The following SUGCT variants were observed in gnomAD, a reference collection of about 807,000 sequenced individuals.
SUGCT encodes succinyl-CoA:glutarate-CoA transferase, also known as succinyl-CoA:glutarate CoA-transferase.
SUGCT carries 41 observed loss-of-function variants against 55.0 expected under a neutral mutation model. That is an observed-to-expected ratio of 0.74 (90% CI 0.58 to 0.97). The LOEUF (loss-of-function observed/expected upper bound fraction) is 0.97, where lower values mean the gene tolerates loss of function less well. SUGCT is among the 50% of genes least tolerant of loss of function. The pLI, the probability that SUGCT is intolerant of heterozygous loss-of-function variation, is 0.00. For synonymous variants in SUGCT, 187 were observed against 200.4 expected (o/e 0.93, Z 0.56); for missense variants, 568 against 547.8 (o/e 1.04, Z -0.37).
intron 5 of SUGCT, 107 bp from the exon 6 acceptor site, chr7:40,194,833 A>G: frequency 1.5e-6 from 2 of 1,323,314 alleles, no homozygotes; most frequent in Non-Finnish European, 2.0e-6. Context: ...CAGTCCTGTG[A>G]TTTTTCTGAG....
At chr7:40,630,963 A>G (rs1245256873) in intron 12 of SUGCT, among the ~76,000 whole-genome samples, 1 of 152,092 alleles carries the variant, frequency 6.6e-6, no homozygotes, top group African/African-American at 2.4e-5. Flanking sequence ...CTGTTTATAG[A>G]TTAGAAAATT....
At position 40,737,760 on chromosome 7, in the gene SUGCT, G is replaced by A. The variant is rs547700191; in HGVS notation, c.1090-11674G>A. ...AGACTTCTGGAGGAAAAAAAATTTC[G>A]TCTTGATATAAAAATTAGCCAGGGG... On this transcript the variant is annotated intron_variant, in intron 12 of 13. Transcript: ENST00000335693. Among the ~76,000 whole-genome samples the A allele has an allele frequency of 3.9e-5, 6 of 152,016 alleles. No homozygotes were observed. In the East Asian group the frequency reaches 7.7e-4, roughly 20 times the overall value.
intron 1 of SUGCT, among the ~76,000 whole-genome samples, chr7:40,156,673 A>T (rs1783912751): frequency 6.6e-6 from 1 of 152,142 alleles, no homozygotes; most frequent in East Asian, 1.9e-4. Flanking sequence ...GCTCTGCAGA[A>T]AGGGTTTGAA....
chr7:40,561,358 C>G lies in SUGCT; in HGVS notation c.1089+64972C>G, dbSNP rs548504251. On this transcript the variant is annotated intron_variant, in intron 12 of 13. Transcript: ENST00000335693. ...CTCCTTCAGTTCTCATAAGTAGAAA[C>G]AGAAGAATGTATTTCATCTGAAATT... is the stretch of plus-strand genomic sequence containing the variant. 3.9e-5 allele frequency among the ~76,000 whole-genome samples: 6 copies of G among 152,272 alleles called. No homozygotes were observed. In the East Asian group the frequency reaches 1.2e-3, roughly 29 times the overall value.
intron 13 of SUGCT, among the ~76,000 whole-genome samples, chr7:40,834,006 T>G (rs1792831078): frequency 1.3e-5 from 2 of 152,202 alleles, no homozygotes; most frequent in South Asian, 4.1e-4. Flanking sequence ...ATACTTCAAG[T>G]GCATCATCCC....
chr7:40,729,872 A>G (rs961479020), intron 12 of SUGCT, among the ~76,000 whole-genome samples: 5 of 152,114 alleles, frequency 3.3e-5, no homozygotes, highest in Admixed American at 1.3e-4. Flanking sequence ...TTGCATCCAT[A>G]CCCTTTTATT....
At chr7:40,439,863 A>T (rs1334044586) in intron 9 of SUGCT, among the ~76,000 whole-genome samples, 1 of 152,126 alleles carries the variant, frequency 6.6e-6, no homozygotes, top group Admixed American at 6.5e-5. Context: ...ACAGTTATGG[A>T]GTCCGTGATT....
chr7:40,165,434 G>A (rs2150660458), intron 1 of SUGCT, among the ~76,000 whole-genome samples: 1 of 152,248 alleles, frequency 6.6e-6, no homozygotes, highest in Middle Eastern at 3.4e-3. Context: ...GGCAAGCATA[G>A]AATTGATGGC....
At chr7:40,183,260 G>C (rs1785320074) in intron 3 of SUGCT, among the ~76,000 whole-genome samples, 1 of 152,182 alleles carries the variant, frequency 6.6e-6, no homozygotes, top group South Asian at 2.1e-4. Context: ...GTGACAGAGT[G>C]AGACCCTGTC....
chr7:40,752,237 C>G (rs1788051199), intron 13 of SUGCT, among the ~76,000 whole-genome samples: 1 of 152,222 alleles, frequency 6.6e-6, no homozygotes, highest in Non-Finnish European at 1.5e-5. Flanking sequence ...TCCTACTCTT[C>G]TGACGGTCAT....
At chr7:40,934,647 G>T in the SUGCT span, among the ~76,000 whole-genome samples, 1 of 129,728 alleles carries the variant, frequency 7.7e-6, no homozygotes, top group Non-Finnish European at 1.6e-5. Context: ...CCTCAGCAAT[G>T]GTGGACGCCC....
At chr7:40,336,279 G>A (rs1047360022) in intron 9 of SUGCT, among the ~76,000 whole-genome samples, 1 of 152,114 alleles carries the variant, frequency 6.6e-6, no homozygotes, top group Non-Finnish European at 1.5e-5. Context: ...AGTTAGGGAG[G>A]ACTCCTTCTT....
chr7:40,647,254 T>C (rs1304828001), intron 12 of SUGCT, among the ~76,000 whole-genome samples: 1 of 152,148 alleles, frequency 6.6e-6, no homozygotes, highest in Non-Finnish European at 1.5e-5. Flanking sequence ...GTGTATTTGG[T>C]AGGGGAGAGA....
At chr7:40,542,563 C>T (rs1794753215) in intron 12 of SUGCT, among the ~76,000 whole-genome samples, 1 of 152,190 alleles carries the variant, frequency 6.6e-6, no homozygotes, top group Non-Finnish European at 1.5e-5. Context: ...GAGAAGGAAG[C>T]TGCCCATATT....
chr7:40,838,117 A>C (rs12019351), intron 13 of SUGCT, among the ~76,000 whole-genome samples: 38,282 of 152,080 alleles, frequency 0.25, 5,802 homozygotes, highest in East Asian at 0.8. Context: ...TGAGATTTCT[A>C]TCGCTCCACT....
At chr7:40,379,923 A>G (rs1454914852) in intron 9 of SUGCT, among the ~76,000 whole-genome samples, 2 of 152,212 alleles carry the variant, frequency 1.3e-5, no homozygotes, top group Non-Finnish European at 2.9e-5. Flanking sequence ...TTCATTCCTC[A>G]GATCTCCCTT....
chr7:40,613,321 C>A (rs1190536481), intron 12 of SUGCT, among the ~76,000 whole-genome samples: 2 of 152,016 alleles, frequency 1.3e-5, no homozygotes, highest in South Asian at 2.1e-4. Flanking sequence ...GTGAAGATGC[C>A]CTAATGATCT....
intron 12 of SUGCT, among the ~76,000 whole-genome samples, chr7:40,685,006 T>G (rs1211884221): frequency 6.6e-6 from 1 of 152,046 alleles, no homozygotes; most frequent in African/African-American, 2.4e-5. Context: ...AATTTTTGTG[T>G]GTGTTTATTT....
chr7:40,268,987 T>C (rs1791805867), intron 7 of SUGCT, among the ~76,000 whole-genome samples: 1 of 152,176 alleles, frequency 6.6e-6, no homozygotes, highest in Non-Finnish European at 1.5e-5. Context: ...TGCTGGGTCA[T>C]ATGGTAACTC....
Sources: allele counts gnomAD v4.1 joint callset (sites outside exome capture counted in the v4.1 genomes callset), GRCh38; gene constraint gnomAD v4.1.1; transcripts MANE v1.5; gene names NCBI Gene and HGNC (gene_info 2026-07-23, HGNC 2026-07-21).